The following CRACD variants were observed in gnomAD, a reference collection of about 807,000 sequenced individuals.
The protein encoded by CRACD is capping protein inhibiting regulator of actin dynamics, also known as capping protein-inhibiting regulator of actin dynamics.
A neutral mutation model predicts 106.8 loss-of-function variants in CRACD; 56 were observed. The observed-to-expected ratio is 0.52, with a 90% confidence interval of 0.42 to 0.66. CRACD has a LOEUF of 0.66. CRACD is among the 30% of genes least tolerant of loss of function. The probability of loss-of-function intolerance (pLI) is 0.00; values close to 1 mark genes in which losing one functional copy is unlikely to be tolerated. For synonymous variants in CRACD, 754 were observed against 670.8 expected (o/e 1.12, Z -1.92); for missense variants, 1,730 against 1,623.2 (o/e 1.07, Z -1.13).
At position 56,272,323 on chromosome 4, in the gene CRACD, A is replaced by G. The variant is rs1455578932; in HGVS notation, c.-186A>G. On this transcript the variant is annotated splice_region_variant and 5_prime_UTR_variant, in exon 3 of 11. Transcript: ENST00000682029. ...TGTGTTTGTTTTACAATCCACAGAC[A>G]AGAAGAAGGGAGGCAAATTCCAGCC... is the stretch of plus-strand genomic sequence containing the variant. The G allele has an allele frequency of 2.6e-5, 4 of 153,370 alleles. No homozygotes were observed. Among genetic ancestry groups the G allele is most frequent in the African/African-American group, 9.6e-5 (4 of 41,460 alleles). The allele number at this position is 153,370 out of a possible 1,614,324, so 9.5% of individuals were successfully genotyped here.
chr4:56,264,144 C>T (rs1386853289), intron 2 of CRACD, among the ~76,000 whole-genome samples: 1 of 152,108 alleles, frequency 6.6e-6, no homozygotes, highest in Admixed American at 6.5e-5. Flanking sequence ...ACAACCAGAT[C>T]TTATGAGAAC....
intron 2 of CRACD, among the ~76,000 whole-genome samples, chr4:56,222,609 C>G (rs1739104192): frequency 6.6e-6 from 1 of 151,988 alleles, no homozygotes; most frequent in Non-Finnish European, 1.5e-5. Flanking sequence ...CCTTTTTTAA[C>G]TTTGAATTTT....
chr4:56,131,185 C>T lies in CRACD; in HGVS notation c.-335-48099C>T, dbSNP rs73817364. Among the ~76,000 whole-genome samples the T allele has an allele frequency of 6.5e-3, 997 of 152,240 alleles. 15 individuals are homozygous for T. The highest frequency in any genetic ancestry group is 0.023 in the African/African-American group (956 of 41,544). On this transcript the variant is annotated intron_variant, in intron 1 of 10. Transcript: ENST00000682029. Reference sequence around the variant, plus strand: ...TTCTTAAGTCCCGGTTGAGCTACAACGTGGTATAACCTAGGCTCTGGAGTC... The same window carrying T: ...TTCTTAAGTCCCGGTTGAGCTACAATGTGGTATAACCTAGGCTCTGGAGTC...
intron 7 of CRACD, 23 bp downstream of exon 7, chr4:56,313,402 G>A (rs776824600): frequency 1.3e-6 from 2 of 1,597,404 alleles, no homozygotes; most frequent in Non-Finnish European, 1.7e-6. Context: ...TGCACGGGCT[G>A]ACCAGGCAGG....
intron 1 of CRACD, chr4:56,170,396 T>G (rs1736316773): frequency 6.6e-6 from 1 of 152,260 alleles, no homozygotes; most frequent in Non-Finnish European, 1.5e-5. Context: ...GTGCTGCTCA[T>G]TGAAAATAGG....
At chr4:56,092,317 G>C (rs990842564) in intron 1 of CRACD, among the ~76,000 whole-genome samples, 1 of 152,144 alleles carries the variant, frequency 6.6e-6, no homozygotes, top group Non-Finnish European at 1.5e-5. Flanking sequence ...TATCCATCTT[G>C]GGCCCCGAGG....
At chr4:56,236,355 T>G (rs1202565238) in intron 2 of CRACD, among the ~76,000 whole-genome samples, 1 of 152,204 alleles carries the variant, frequency 6.6e-6, no homozygotes, top group African/African-American at 2.4e-5. Context: ...GATCTCAGAC[T>G]TCCCCTCTAA....
chr4:56,171,566 C>T (rs1163531598), intron 1 of CRACD, among the ~76,000 whole-genome samples: 1 of 152,014 alleles, frequency 6.6e-6, no homozygotes, highest in Admixed American at 6.5e-5. Flanking sequence ...ATGATCAGAT[C>T]AAGGTAAGGT....
chr4:56,202,844 CCTGATT>C (rs1312705066), intron 2 of CRACD, among the ~76,000 whole-genome samples: 1 of 151,992 alleles, frequency 6.6e-6, no homozygotes, highest in East Asian at 1.9e-4. Flanking sequence ...ATAAAAATCA[CCTGATT>C]CTATCACCTA....
intron 1 of CRACD, among the ~76,000 whole-genome samples, chr4:56,138,456 C>T (rs1735081636): frequency 6.6e-6 from 1 of 152,082 alleles, no homozygotes; most frequent in South Asian, 2.1e-4. Context: ...TAGAGCAACA[C>T]TCTGTCTCAA....
chr4:56,076,429 T>C (rs1425378344), intron 1 of CRACD, among the ~76,000 whole-genome samples: 3 of 152,210 alleles, frequency 2.0e-5, no homozygotes, highest in Admixed American at 6.5e-5. Flanking sequence ...AGCTCTACTT[T>C]CTGATTCTCT....
chr4:56,124,345 G>A (rs1170931456), intron 1 of CRACD, among the ~76,000 whole-genome samples: 1 of 152,198 alleles, frequency 6.6e-6, no homozygotes, highest in African/African-American at 2.4e-5. Context: ...TTATCAGCAT[G>A]TGACCAATCT....
chr4:56,052,383 T>G (rs1038370633), intron 1 of CRACD, among the ~76,000 whole-genome samples: 2 of 152,262 alleles, frequency 1.3e-5, no homozygotes, highest in African/African-American at 4.8e-5. Context: ...CACATCCCAT[T>G]AATGGGTCAG....
chr4:56,222,035 C>G (rs116448820), intron 2 of CRACD, among the ~76,000 whole-genome samples: 2,574 of 152,310 alleles, frequency 0.017, 69 homozygotes, highest in African/African-American at 0.058. Context: ...AATCCCACTA[C>G]TGGCTATCTA....
chr4:56,083,557 A>C (rs1360467254), intron 1 of CRACD, among the ~76,000 whole-genome samples: 1 of 152,132 alleles, frequency 6.6e-6, no homozygotes, highest in Non-Finnish European at 1.5e-5. Flanking sequence ...TTGATGTCAT[A>C]AATAGGCTCT....
chr4:56,087,105 G>A (rs978582526), intron 1 of CRACD, among the ~76,000 whole-genome samples: 20 of 151,976 alleles, frequency 1.3e-4, no homozygotes, highest in Non-Finnish European at 2.9e-4. Context: ...TCCGCCTCCC[G>A]GGTTTAAGCA....
intron 1 of CRACD, among the ~76,000 whole-genome samples, chr4:56,142,516 C>G (rs1467965752): frequency 6.6e-6 from 1 of 151,906 alleles, no homozygotes; most frequent in East Asian, 1.9e-4. Context: ...TTTCTTTTTA[C>G]TTTTATGCTA....
At chr4:56,242,061 G>A (rs1204622573) in intron 2 of CRACD, among the ~76,000 whole-genome samples, 2 of 152,178 alleles carry the variant, frequency 1.3e-5, no homozygotes, top group Non-Finnish European at 2.9e-5. Context: ...TAAGAAGCCT[G>A]AAACTACCTC....
intron 2 of CRACD, among the ~76,000 whole-genome samples, chr4:56,228,517 C>G (rs780850781): frequency 2.0e-5 from 3 of 150,990 alleles, no homozygotes; most frequent in Non-Finnish European, 4.4e-5. Flanking sequence ...ATCCCATAAT[C>G]GCAGCACTTT....
Sources: allele counts gnomAD v4.1 joint callset (sites outside exome capture counted in the v4.1 genomes callset), GRCh38; gene constraint gnomAD v4.1.1; transcripts MANE v1.5; gene names NCBI Gene and HGNC (gene_info 2026-07-23, HGNC 2026-07-21).